PKMYT1: variants seen among roughly 807,000 people sequenced by gnomAD.
PKMYT1 encodes the protein membrane-associated tyrosine- and threonine-specific cdc2-inhibitory kinase.
PKMYT1 carries 35 observed loss-of-function variants against 49.7 expected under a neutral mutation model. The observed-to-expected ratio is 0.70, with a 90% CI of 0.54 to 0.93. The LOEUF is 0.93. Among genes scored for constraint, PKMYT1 ranks in the 40% least tolerant of loss-of-function variants. The pLI, the probability that PKMYT1 is intolerant of heterozygous loss-of-function variation, is 0.00. For synonymous variants in PKMYT1, 331 were observed against 287.6 expected (o/e 1.15, Z -1.53); for missense variants, 677 against 673.1 (o/e 1.01, Z -0.06).
chr16:2,977,382 T>TG, intron 2 of PKMYT1: 4 of 996,358 alleles, frequency 4.0e-6, no homozygotes, highest in South Asian at 4.7e-5. Context: ...GATCCTAAAC[T>TG]ACACAACCTC....
In PKMYT1 at chr16:2,975,381, G is replaced by T. The variant is rs779607480; in HGVS notation, c.810C>A (p.Asp270Glu). The change falls in exon 4 of 9, where the codon GAC becomes GAA. Residue 270 changes from aspartate to glutamate, a missense_variant. By Grantham distance (45) the Asp-to-Glu change is conservative (BLOSUM62 2). Coordinates refer to ENST00000262300, the MANE Select transcript of PKMYT1 (RefSeq NM_004203.5). Reference protein sequence around the residue: ...TAGAGEVQEGDPRYMAPELLQ... With the variant: ...TAGAGEVQEGEPRYMAPELLQ... ...GCAGCTCGGGGGCCATGTAGCGGGG[G>T]TCTCCCTCCTGGACCTCACCAGCTC... 6.2e-7 allele frequency: 1 copy of T among 1,613,080 alleles called. No homozygotes were observed. The highest frequency in any genetic ancestry group is 1.3e-5 in the African/African-American group (1 of 75,050).
rs1300150434 is a variant in PKMYT1, at chr16:2,979,869, A to T, written c.-212T>A. The T allele has an allele frequency of 6.6e-6, 4 of 603,044 alleles. No homozygotes were observed. Among genetic ancestry groups the T allele is most frequent in the African/African-American group, 5.5e-5 (3 of 54,372 alleles). The allele number at this position is 603,044 out of a possible 1,614,324, so 37.4% of individuals were successfully genotyped here. ...TCCCGGTAGACGGTAAGTTCCTCCCAGGCAGGGCCGCGGCTGACTTCACTC... is the reference window on the plus strand; with the variant it reads ...TCCCGGTAGACGGTAAGTTCCTCCCTGGCAGGGCCGCGGCTGACTTCACTC... On this transcript the variant is annotated 5_prime_UTR_variant, in exon 2 of 9. Coordinates refer to ENST00000262300, the MANE Select transcript of PKMYT1 (RefSeq NM_004203.5).
chr16:2,976,634 G>T (rs746091348), intron 3 of PKMYT1, 30 bp downstream of exon 3: 14 of 1,413,970 alleles, frequency 9.9e-6, no homozygotes, highest in Non-Finnish European at 1.2e-5. Context: ...AGGTCCCCCA[G>T]ATGGGCCTAG....
At chr16:2,974,911 G>A (rs1596450151) in intron 4 of PKMYT1, 1 of 572,036 alleles carries the variant, frequency 1.7e-6, no homozygotes, top group Non-Finnish European at 3.1e-6. Flanking sequence ...TGCCCTGATG[G>A]ACAGGCACCA....
At chr16:2,979,590 GGACCTGGGCCTGTGCATCTTA>G in intron 2 of PKMYT1, 37 bp downstream of exon 2, 1 of 1,399,338 alleles carries the variant, frequency 7.1e-7, no homozygotes. Flanking sequence ...GCACACTCGG[GGACCTGGGCCTGTGCATCTTA>G]ACCCAGTTCT....
intron 3 of PKMYT1, 28 bp from the exon 4 acceptor site, chr16:2,975,840 CAGTG>C (rs2072176251): frequency 1.9e-6 from 3 of 1,560,932 alleles, no homozygotes; most frequent in South Asian, 1.2e-5. Context: ...CCCACGCACA[CAGTG>C]AGGGTGAGCC....
intron 1 of PKMYT1, 142 bp from the exon 2 acceptor site, chr16:2,980,054 C>A (rs8043710): frequency 0.021 from 4,446 of 206,966 alleles, 210 homozygotes; most frequent in African/African-American, 0.098. Context: ...GGACAGCAGG[C>A]GGGGTCTCCG....
In PKMYT1 at chr16:2,974,302, C is replaced by A. The variant is rs1002300473; in HGVS notation, c.1095G>T (p.Trp365Cys). The A allele has an allele frequency of 6.3e-7, 1 of 1,590,764 alleles. No individual in the cohort carries two copies. The highest frequency in any genetic ancestry group is 8.6e-7 in the Non-Finnish European group (1 of 1,169,268). Reference sequence around the variant, plus strand: ...CCGCTGCCATGCACCACAGCACACCCCAGGCCCGCGGCTGCCTCAACACAG... The same window carrying A: ...CCGCTGCCATGCACCACAGCACACCACAGGCCCGCGGCTGCCTCAACACAG... ...ALPVLRQPRA[W>C]GVLWCMAAEA... Residue 365 changes from tryptophan (W) to cysteine (C), a missense_variant, in exon 6 of 9, where the codon TGG (tryptophan) becomes TGT (cysteine). Transcript: ENST00000262300.
In PKMYT1 at chr16:2,977,360, G is replaced by A. The variant is rs545526681; in HGVS notation, c.11-329C>T. On this transcript the variant is annotated intron_variant, in intron 2 of 8. Coordinates refer to ENST00000262300, the MANE Select transcript of PKMYT1 (RefSeq NM_004203.5). ...GCGCCTGCATCCCTGCCCTCATCAC[G>A]GCCAGCTCTTTGATCCTAAACTACA... 66 of 1,083,124 alleles carry A rather than the reference G, an allele frequency of 6.1e-5. No individual in the cohort carries two copies. In the East Asian group the frequency reaches 1.3e-3, roughly 21 times the overall value. 67.1% of individuals were successfully genotyped at this position (1,083,124 alleles called of 1,614,324 possible). A position where few individuals can be genotyped will look rare whatever the true frequency, so the allele number is the denominator to read the frequency against.
Position 2,975,572 on chromosome 16 carries a change from C to T in PKMYT1, c.619G>A (p.Glu207Lys). The change falls in exon 4 of 9, where the codon GAG (glutamate) becomes AAG (lysine). Residue 207 changes from glutamate to lysine, a missense_variant. By Grantham distance (56) the Glu-to-Lys change is moderately conservative (BLOSUM62 1). Coordinates refer to ENST00000262300, the MANE Select transcript of PKMYT1 (RefSeq NM_004203.5). ...HCEAWGASLP[E>K]AQVWGYLRDT... ...CGCAGGTAGCCCCAGACCTGGGCCT[C>T]AGGCAGGCTGGCACCCCAGGCCTCA... 1 of 1,611,776 alleles carries T rather than the reference C, an allele frequency of 6.2e-7. No homozygotes were observed. The highest frequency in any genetic ancestry group is 1.1e-5 in the South Asian group (1 of 91,034).
chr16:2,980,109 G>T, intron 1 of PKMYT1, 177 bp downstream of exon 1: 1 of 192,278 alleles, frequency 5.2e-6, no homozygotes, highest in Non-Finnish European at 1.1e-5. Context: ...GGGGCTCGAG[G>T]CAAGGGAACC....
At position 2,974,303 on chromosome 16, in the gene PKMYT1, C is replaced by T. The variant is rs1696170759; in HGVS notation, c.1094G>A (p.Trp365Ter). Residue 365 changes from tryptophan (W) to a stop codon, truncating the protein, a stop_gained, in exon 6 of 9, where the codon TGG (tryptophan) becomes TAG (stop). Transcript: ENST00000262300. LOFTEE classifies it high-confidence loss of function. ...ALPVLRQPRA[W>*]GVLWCMAAEA... The stretch of plus-strand genomic sequence containing the variant: ...CGCTGCCATGCACCACAGCACACCC[C>T]AGGCCCGCGGCTGCCTCAACACAGG... 1 of 1,591,438 alleles carries T rather than the reference C, an allele frequency of 6.3e-7. No individual in the cohort carries two copies. Among genetic ancestry groups the T allele is most frequent in the Non-Finnish European group, 8.5e-7 (1 of 1,169,594 alleles).
chr16:2,973,389 A>G (rs1324488084), intron 7 of PKMYT1, 174 bp from the exon 8 acceptor site: 1 of 1,538,194 alleles, frequency 6.5e-7, no homozygotes, highest in South Asian at 1.2e-5. Context: ...CAGCCTTCAA[A>G]GTCCTTCCAT....
In PKMYT1 at chr16:2,973,020, C is replaced by A; in HGVS notation, c.1433G>T (p.Gly478Val). 6.2e-7 allele frequency: 1 copy of A among 1,609,910 alleles called. No individual in the cohort carries two copies. The highest frequency in any genetic ancestry group is 1.7e-4 in the Middle Eastern group (1 of 6,034). Residue 478 changes from glycine to valine, a missense_variant, in exon 9 of 9, where the codon GGC (glycine) becomes GTC (valine). Physicochemically the swap from Gly to Val is moderately radical, Grantham distance 109 (BLOSUM62 -3). Transcript: ENST00000262300. ...CCGAGGCTCAAAGGAGGGGAAGGAG[C>A]CCCGAGGAGGCTCTGAGTTGATGTC... ...LSDINSEPPR[G>V]SFPSFEPRNL...
At chr16:2,979,428 C>T in intron 2 of PKMYT1, 1 of 581,100 alleles carries the variant, frequency 1.7e-6, no homozygotes, top group Non-Finnish European at 3.1e-6. Context: ...CTACCTGGGC[C>T]TGGCTGGCAG....
At chr16:2,977,449 GA>G (rs1567389736) in intron 2 of PKMYT1, 1 of 1,001,390 alleles carries the variant, frequency 1.0e-6, no homozygotes, top group Non-Finnish European at 1.2e-6. Context: ...TGAAAACCCG[GA>G]ATCCCTCAAG....
intron 2 of PKMYT1, among the ~76,000 whole-genome samples, chr16:2,978,707 C>A (rs1204082935): frequency 6.7e-6 from 1 of 150,106 alleles, no homozygotes; most frequent in Admixed American, 6.6e-5. Flanking sequence ...AAGATCATGC[C>A]ACTGCACTCC....
Position 2,974,348 on chromosome 16 carries a change from G to T in PKMYT1, c.1049C>A (p.Ala350Asp). The change falls in exon 6 of 9, where the codon GCC becomes GAC. Residue 350 changes from alanine to aspartate, a missense_variant. Transcript: ENST00000262300. Reference sequence around the variant, plus strand: ...CACAGGCAGTGCCAGCAGGGCCTCGGCCGTGGCCCGCAGCTTGGGGTCTGG... The same window carrying T: ...CACAGGCAGTGCCAGCAGGGCCTCGTCCGTGGCCCGCAGCTTGGGGTCTGG... ...LEPDPKLRAT[A>D]EALLALPVLR... is the part of the protein sequence containing the mutation. 1 of 1,609,924 alleles carries T rather than the reference G, an allele frequency of 6.2e-7. No individual in the cohort carries two copies. Among genetic ancestry groups the T allele is most frequent in the Non-Finnish European group, 8.5e-7 (1 of 1,178,804 alleles).
chr16:2,973,946 C>G lies in PKMYT1; in HGVS notation c.1310+54G>C, dbSNP rs749441210. On this transcript the variant is annotated intron_variant, in intron 7 of 8. Transcript: ENST00000262300. ...TTCACCACGAATCTCCATGGAGCCC[C>G]GGTGATATCCCCCACCTTCCCCCTA... The G allele has an allele frequency of 9.6e-6, 15 of 1,567,210 alleles. No homozygotes were observed. The Admixed American group carries it at 2.6e-4, about 27-fold the overall frequency.
Sources: gnomAD v4.1 joint callset for allele counts (sites outside exome capture counted in the v4.1 genomes callset) on GRCh38, gnomAD v4.1.1 for gene constraint, MANE v1.5 for transcripts, NCBI Gene and HGNC (gene_info 2026-07-23, HGNC 2026-07-21) for gene names.